The following CDCA7L variants were observed in gnomAD, a reference collection of about 807,000 sequenced individuals.
CDCA7L encodes the protein cell division cycle associated 7 like.
In CDCA7L, 44 loss-of-function variants were observed where a neutral mutation model predicts 57.4. The observed-to-expected ratio is 0.77, with a 90% CI of 0.60 to 0.98. The LOEUF (loss-of-function observed/expected upper bound fraction) is 0.98, where lower values mean the gene tolerates loss of function less well. Ranked by LOEUF, CDCA7L falls within the 50% of genes least tolerant of loss-of-function variation. The pLI, the probability that CDCA7L is intolerant of heterozygous loss-of-function variation, is 0.00. For synonymous variants in CDCA7L, 236 were observed against 202.8 expected (o/e 1.16, Z -1.39); for missense variants, 644 against 580.6 (o/e 1.11, Z -1.12).
chr7:21,944,387 G>T (rs1786440670), intron 1 of CDCA7L, among the ~76,000 whole-genome samples: 1 of 141,528 alleles, frequency 7.1e-6, no homozygotes, highest in Admixed American at 7.5e-5. Context: ...GGAGGCGAAG[G>T]TTGCAGTGAG....
chr7:21,908,299 C>A lies in CDCA7L; in HGVS notation c.512G>T (p.Arg171Leu). 1 of 1,611,348 alleles carries A rather than the reference C, an allele frequency of 6.2e-7. No homozygotes were observed. The highest frequency in any genetic ancestry group is 8.5e-7 in the Non-Finnish European group (1 of 1,179,332). Reference protein sequence around the residue: ...SSSEQLFSSARLQNEKKTILE... With the variant: ...SSSEQLFSSALLQNEKKTILE... ...AATTGTTTTTTTCTCATTCTGTAAG[C>A]GTGCGCTAGAAAACAACTGCTCGGA... The change falls in exon 4 of 10, where the codon CGC becomes CTC. Residue 171 changes from arginine (R) to leucine (L), a missense_variant. Coordinates refer to ENST00000406877, the MANE Select transcript of CDCA7L (RefSeq NM_018719.5).
chr7:21,918,704 T>C (rs1456584454), intron 1 of CDCA7L, among the ~76,000 whole-genome samples: 1 of 152,208 alleles, frequency 6.6e-6, no homozygotes, highest in Non-Finnish European at 1.5e-5. Flanking sequence ...CAAGACTACT[T>C]TTTAGGAAGT....
In CDCA7L at chr7:21,945,870, C is replaced by G. The variant is rs559998129; in HGVS notation, c.-66G>C. 1.8e-5 allele frequency: 27 copies of G among 1,532,264 alleles called. No individual in the cohort carries two copies. Among genetic ancestry groups the G allele is most frequent in the Non-Finnish European group, 1.9e-5 (22 of 1,138,488 alleles). 94.9% of individuals were successfully genotyped at this position (1,532,264 alleles called of 1,614,324 possible). A position where few individuals can be genotyped will look rare whatever the true frequency, so the allele number is the denominator to read the frequency against. On this transcript the variant is annotated 5_prime_UTR_variant, in exon 1 of 10. Coordinates refer to ENST00000406877, the MANE Select transcript of CDCA7L (RefSeq NM_018719.5). Reference sequence around the variant, plus strand: ...ACGGGAGCCCGGACTCACCACGGCCCGGCGCACCAAGAACGCCCCGCGCCC... The same window carrying G: ...ACGGGAGCCCGGACTCACCACGGCCGGGCGCACCAAGAACGCCCCGCGCCC...
intron 3 of CDCA7L, 90 bp downstream of exon 3, chr7:21,911,527 A>C (rs1785326617): frequency 2.1e-6 from 3 of 1,424,740 alleles, no homozygotes; most frequent in Non-Finnish European, 2.8e-6. Context: ...AAATCTTTTC[A>C]CTTGTGAAGT....
Position 21,901,431 on chromosome 7 carries a change from T to C in CDCA7L, c.*891A>G. 2.3e-6 allele frequency: 2 copies of C among 885,342 alleles called. No individual in the cohort carries two copies. Among genetic ancestry groups the C allele is most frequent in the East Asian group, 6.4e-5 (2 of 31,012 alleles). The allele number at this position is 885,342 out of a possible 1,614,324, so 54.8% of individuals were successfully genotyped here. A position where few individuals can be genotyped will look rare whatever the true frequency, so the allele number is the denominator to read the frequency against. On this transcript the variant is annotated 3_prime_UTR_variant, in exon 10 of 10. Coordinates refer to ENST00000406877, the MANE Select transcript of CDCA7L (RefSeq NM_018719.5). ...AAAATACTAGAAACTAACTCAGGGC[T>C]GAGCGTGGTGGCACACGACTGTAAT...
At chr7:21,903,226 T>TA (rs1784999676) in intron 8 of CDCA7L, 112 bp from the exon 9 acceptor site, 1 of 1,018,546 alleles carries the variant, frequency 9.8e-7, no homozygotes, top group Non-Finnish European at 1.4e-6. Context: ...TTTAATCACA[T>TA]GGCATCTTTC....
At chr7:21,912,056 G>A (rs1257023273) in intron 2 of CDCA7L, among the ~76,000 whole-genome samples, 2 of 151,828 alleles carry the variant, frequency 1.3e-5, no homozygotes. Flanking sequence ...GAACTCAGGA[G>A]TTCAAGACCA....
chr7:21,904,579 T>C (rs1367599120), intron 7 of CDCA7L, among the ~76,000 whole-genome samples: 1 of 152,138 alleles, frequency 6.6e-6, no homozygotes, highest in African/African-American at 2.4e-5. Context: ...AAACCCTCTA[T>C]TGTGAATTGC....
Position 21,915,852 on chromosome 7 carries a change from A to G in CDCA7L, c.165+902T>C, listed in dbSNP as rs147171241. Reference sequence around the variant, plus strand: ...TGGAAAGAAAGAAAATAATAATAACAAAGAGCAAAAGGTGTAACAGAGAGG... The same window carrying G: ...TGGAAAGAAAGAAAATAATAATAACGAAGAGCAAAAGGTGTAACAGAGAGG... On this transcript the variant is annotated intron_variant, in intron 2 of 9. Coordinates refer to ENST00000406877, the MANE Select transcript of CDCA7L (RefSeq NM_018719.5). 3.2e-3 allele frequency among the ~76,000 whole-genome samples: 494 copies of G among 152,004 alleles called. 1 individual carries two copies. The highest frequency in any genetic ancestry group is 0.011 in the African/African-American group (445 of 41,390).
At chr7:21,905,700 A>G in intron 6 of CDCA7L, 69 bp from the exon 7 acceptor site, 1 of 1,513,548 alleles carries the variant, frequency 6.6e-7, no homozygotes, top group East Asian at 2.3e-5. Flanking sequence ...AAATATTTTA[A>G]ACTCTCAAAG....
intron 1 of CDCA7L, among the ~76,000 whole-genome samples, chr7:21,918,944 T>C (rs2128062819): frequency 6.6e-6 from 1 of 152,322 alleles, no homozygotes; most frequent in East Asian, 1.9e-4. Context: ...CCTGATAACA[T>C]CTTGCTCAAC....
At chr7:21,936,224 G>T (rs1463419000) in intron 1 of CDCA7L, among the ~76,000 whole-genome samples, 1 of 152,052 alleles carries the variant, frequency 6.6e-6, no homozygotes, top group Admixed American at 6.5e-5. Flanking sequence ...AGGACAAGAT[G>T]GCTTCATGGG....
chr7:21,934,221 C>T (rs1008030509), intron 1 of CDCA7L, among the ~76,000 whole-genome samples: 3 of 152,068 alleles, frequency 2.0e-5, no homozygotes, highest in Non-Finnish European at 2.9e-5. Flanking sequence ...AAAATACTTA[C>T]GAATCTGTTC....
intron 1 of CDCA7L, among the ~76,000 whole-genome samples, chr7:21,934,701 C>T (rs1786111257): frequency 6.6e-6 from 1 of 151,886 alleles, no homozygotes; most frequent in African/African-American, 2.4e-5. Flanking sequence ...TCTAAAGACA[C>T]CAATAGGTTA....
At chr7:21,930,434 C>T (rs188848838) in intron 1 of CDCA7L, among the ~76,000 whole-genome samples, 2 of 152,132 alleles carry the variant, frequency 1.3e-5, no homozygotes, top group African/African-American at 2.4e-5. Context: ...CAGTGGCTCT[C>T]GCCTGTAATC....
Position 21,902,101 on chromosome 7 carries a change from C to T in CDCA7L, c.*221G>A, listed in dbSNP as rs1784908371. 1 of 546,820 alleles carries T rather than the reference C, an allele frequency of 1.8e-6. No individual in the cohort carries two copies. The highest frequency in any genetic ancestry group is 2.9e-5 in the East Asian group (1 of 34,768). The allele number at this position is 546,820 out of a possible 1,614,324, so 33.9% of individuals were successfully genotyped here. The stretch of plus-strand genomic sequence containing the variant: ...GATATTTTTAACAAAGTTCAGCATA[C>T]AGACAGGTCTGTGCATACATCTATA... On this transcript the variant is annotated 3_prime_UTR_variant, in exon 10 of 10. Transcript: ENST00000406877.
At chr7:21,927,609 G>C (rs1330450477) in intron 1 of CDCA7L, among the ~76,000 whole-genome samples, 7 of 152,166 alleles carry the variant, frequency 4.6e-5, no homozygotes, top group Non-Finnish European at 7.4e-5. Flanking sequence ...AAGATTATTT[G>C]ATACGACAGT....
chr7:21,924,248 A>T (rs1785756010), intron 1 of CDCA7L, among the ~76,000 whole-genome samples: 1 of 152,180 alleles, frequency 6.6e-6, no homozygotes. Flanking sequence ...AGGCCAACTG[A>T]TACAAGGGCT....
At chr7:21,911,809 G>T in intron 2 of CDCA7L, 55 bp from the exon 3 acceptor site, 1 of 1,548,524 alleles carries the variant, frequency 6.5e-7, no homozygotes. Flanking sequence ...AGGTTACCAG[G>T]GAAGGGTAGA....
Sources: allele counts gnomAD v4.1 joint callset (sites outside exome capture counted in the v4.1 genomes callset), GRCh38; gene constraint gnomAD v4.1.1; transcripts MANE v1.5; gene names NCBI Gene and HGNC (gene_info 2026-07-23, HGNC 2026-07-21).